The following CDH13 variants were observed in gnomAD, a reference collection of about 807,000 sequenced individuals.
CDH13 encodes cadherin 13.
In CDH13, 24 loss-of-function variants were observed where a neutral mutation model predicts 63.8. That is an observed-to-expected ratio of 0.38 (90% CI 0.27 to 0.53). The LOEUF is 0.53. Among genes scored for constraint, CDH13 ranks in the 20% least tolerant of loss-of-function variants. The pLI, the probability that CDH13 is intolerant of heterozygous loss-of-function variation, is 0.85. For missense variants in CDH13, 1,049 were observed against 903.1 expected (o/e 1.16, Z -2.07); for synonymous variants, 503 against 355.3 (o/e 1.42, Z -4.67).
chr16:83,754,080 T>A (rs551501033), intron 11 of CDH13, among the ~76,000 whole-genome samples: 1 of 152,180 alleles, frequency 6.6e-6, no homozygotes, highest in African/African-American at 2.4e-5. Flanking sequence ...TGTGACAAAC[T>A]GGAAACTTGA....
intron 1 of CDH13, among the ~76,000 whole-genome samples, chr16:82,731,413 G>C (rs754874453): frequency 6.6e-6 from 1 of 152,288 alleles, no homozygotes; most frequent in African/African-American, 2.4e-5. Flanking sequence ...AAAACATAAA[G>C]AATGCAAATT....
intron 5 of CDH13, among the ~76,000 whole-genome samples, chr16:83,306,240 C>G (rs1013541633): frequency 6.6e-6 from 1 of 152,160 alleles, no homozygotes; most frequent in Admixed American, 6.5e-5. Flanking sequence ...CGTATCTGTG[C>G]TATGGTTTGG....
rs760410186 is a variant in CDH13 at position 83,092,345 on chromosome 16, C to T, written c.367-33040C>T. 7.9e-5 allele frequency among the ~76,000 whole-genome samples: 12 copies of T among 152,318 alleles called. 1 individual carries two copies. The highest frequency in any genetic ancestry group is 7.7e-4 in the East Asian group (4 of 5,190). ...CTTTGTCTTCCTAGCATTTGATTGA[C>T]GGCTACTGTTAGTACAGATCATCTG... On this transcript the variant is annotated intron_variant, in intron 3 of 13. Coordinates refer to ENST00000567109, the MANE Select transcript of CDH13 (RefSeq NM_001257.5).
At chr16:82,752,181 C>G (rs1336245654) in intron 1 of CDH13, among the ~76,000 whole-genome samples, 1 of 152,230 alleles carries the variant, frequency 6.6e-6, no homozygotes, top group Non-Finnish European at 1.5e-5. Flanking sequence ...CCACCAAATT[C>G]TCTTCTCATT....
At chr16:82,705,145 C>T (rs534030403) in intron 1 of CDH13, 4 of 455,840 alleles carry the variant, frequency 8.8e-6, no homozygotes, top group African/African-American at 2.0e-5. Flanking sequence ...GTCTTGCTGA[C>T]CACAAAGGCA....
intron 4 of CDH13, among the ~76,000 whole-genome samples, chr16:83,198,011 A>G (rs1284551217): frequency 1.3e-5 from 2 of 152,226 alleles, no homozygotes; most frequent in African/African-American, 4.8e-5. Flanking sequence ...AAAGTCAATT[A>G]AAATATGTTT....
chr16:83,495,813 G>A (rs1202820432), intron 7 of CDH13, among the ~76,000 whole-genome samples: 1 of 151,936 alleles, frequency 6.6e-6, no homozygotes, highest in Non-Finnish European at 1.5e-5. Flanking sequence ...GGCAAGTGAA[G>A]AAAAAAGGTC....
chr16:83,111,658 G>T (rs564524569), intron 3 of CDH13, among the ~76,000 whole-genome samples: 5 of 152,148 alleles, frequency 3.3e-5, no homozygotes, highest in Non-Finnish European at 7.3e-5. Context: ...GAGCACTCAG[G>T]CATTGGATTG....
chr16:82,889,391 G>C (rs901868449), intron 2 of CDH13, among the ~76,000 whole-genome samples: 7 of 151,184 alleles, frequency 4.6e-5, no homozygotes, highest in African/African-American at 1.5e-4. Context: ...AGTTTTTCTT[G>C]CTTCACAAAT....
chr16:83,097,861 C>T lies in CDH13; in HGVS notation c.367-27524C>T, dbSNP rs192291377. The stretch of plus-strand genomic sequence containing the variant: ...CTAAGAGGGTAGAGTAGACCACATT[C>T]CACAAAGAAGAAACAGTATTTTATT... On this transcript the variant is annotated intron_variant, in intron 3 of 13. Coordinates refer to ENST00000567109, the MANE Select transcript of CDH13 (RefSeq NM_001257.5). 5.8e-4 allele frequency among the ~76,000 whole-genome samples: 88 copies of T among 152,254 alleles called. 2 individuals are homozygous for T. The South Asian group carries it at 0.011, about 18-fold the overall frequency.
intron 5 of CDH13, among the ~76,000 whole-genome samples, chr16:83,273,649 C>T (rs79043392): frequency 0.043 from 6,563 of 152,234 alleles, 187 homozygotes; most frequent in East Asian, 0.11. Flanking sequence ...CATTTAAAAG[C>T]AGCCACAAAG....
At chr16:83,035,422 A>G (rs932433493) in intron 3 of CDH13, among the ~76,000 whole-genome samples, 1 of 152,210 alleles carries the variant, frequency 6.6e-6, no homozygotes, top group African/African-American at 2.4e-5. Context: ...GTGTTGCTCC[A>G]TGGGCTACAA....
At chr16:82,632,843 T>C (rs1422969239) in intron 1 of CDH13, among the ~76,000 whole-genome samples, 1 of 151,994 alleles carries the variant, frequency 6.6e-6, no homozygotes, top group Non-Finnish European at 1.5e-5. Context: ...CCTGAGCTTG[T>C]TTTTCTGCCA....
chr16:83,216,461 G>C (rs1316738888), intron 4 of CDH13, among the ~76,000 whole-genome samples: 1 of 55,326 alleles, frequency 1.8e-5, no homozygotes, highest in Non-Finnish European at 4.3e-5. Context: ...CCTAATTTGA[G>C]GTTTATATAT....
Position 83,096,072 on chromosome 16 carries a change from C to T in CDH13, c.367-29313C>T, listed in dbSNP as rs534544390. Among the ~76,000 whole-genome samples the T allele has an allele frequency of 2.9e-4, 44 of 152,176 alleles. 1 individual carries two copies. Among genetic ancestry groups the T allele is most frequent in the African/African-American group, 9.4e-4 (39 of 41,532 alleles). On this transcript the variant is annotated intron_variant, in intron 3 of 13. Coordinates refer to ENST00000567109, the MANE Select transcript of CDH13 (RefSeq NM_001257.5). ...GGGGAAGCATGCAGTCACCTTGTGC[C>T]GAACTTAACAGGTCAAGAACTCCGT...
chr16:83,538,696 C>T (rs574416321), intron 7 of CDH13, among the ~76,000 whole-genome samples: 4 of 152,218 alleles, frequency 2.6e-5, no homozygotes, highest in Non-Finnish European at 5.9e-5. Flanking sequence ...GAAAGAAAGG[C>T]ATAGCTCTTA....
chr16:83,408,096 A>G (rs900062127), intron 6 of CDH13, among the ~76,000 whole-genome samples: 15 of 152,176 alleles, frequency 9.9e-5, no homozygotes, highest in African/African-American at 3.6e-4. Flanking sequence ...AACGTTCAGA[A>G]TCCTCATTTG....
chr16:82,907,352 G>A (rs1328555761), intron 2 of CDH13, among the ~76,000 whole-genome samples: 1 of 151,984 alleles, frequency 6.6e-6, no homozygotes, highest in Non-Finnish European at 1.5e-5. Flanking sequence ...GCATCCCAAG[G>A]GCTCCACAAA....
chr16:83,632,465 C>G (rs62040232), intron 8 of CDH13, among the ~76,000 whole-genome samples: 22,075 of 151,810 alleles, frequency 0.15, 1,771 homozygotes, highest in East Asian at 0.27. Context: ...ATTATCACGC[C>G]GAATCCTTAT....
Sources: gnomAD v4.1 joint callset for allele counts (sites outside exome capture counted in the v4.1 genomes callset) on GRCh38, gnomAD v4.1.1 for gene constraint, MANE v1.5 for transcripts, NCBI Gene and HGNC (gene_info 2026-07-23, HGNC 2026-07-21) for gene names.